The following FOXN3 variants were observed in gnomAD, a reference collection of about 807,000 sequenced individuals.
FOXN3 encodes the protein forkhead box N3.
Under a neutral mutation model 38.4 loss-of-function variants are expected in FOXN3, and 7 were observed. The observed-to-expected ratio is 0.18, with a 90% CI of 0.10 to 0.34. The LOEUF (loss-of-function observed/expected upper bound fraction) is 0.34. FOXN3 is among the 10% of genes least tolerant of loss of function. FOXN3 has a pLI of 1.00. For synonymous variants in FOXN3, 230 were observed against 242.2 expected, an observed-to-expected ratio of 0.95 and a Z score of 0.47; for missense variants, 456 against 613.4, an observed-to-expected ratio of 0.74 and a Z score of 2.71.
intron 3 of FOXN3, among the ~76,000 whole-genome samples, chr14:89,281,380 T>G (rs1886456589): frequency 2.6e-5 from 4 of 152,174 alleles, no homozygotes; most frequent in Admixed American, 2.6e-4. Context: ...CCTAATCATG[T>G]TTTCTGAGAC....
intron 4 of FOXN3, among the ~76,000 whole-genome samples, chr14:89,221,639 G>A (rs186370680): frequency 3.9e-5 from 6 of 152,272 alleles, no homozygotes; most frequent in African/African-American, 1.4e-4. Flanking sequence ...GCCTTTGTCA[G>A]ACTTTCGCCA....
rs142564181 is a variant in FOXN3, at chr14:89,463,704, A to G, written c.-14-51214T>C. On this transcript the variant is annotated intron_variant, in intron 1 of 6. Coordinates refer to the FOXN3 transcript ENST00000345097. Reference sequence around the variant, plus strand: ...GACATGACATCATTGCTTCAGGGCCATAAGTTACTAGGGCTCCCCCAAAAG... The same window carrying G: ...GACATGACATCATTGCTTCAGGGCCGTAAGTTACTAGGGCTCCCCCAAAAG... Among the ~76,000 whole-genome samples, 282 of 152,118 alleles carry G rather than the reference A, an allele frequency of 1.9e-3. 3 individuals are homozygous for G. The highest frequency in any genetic ancestry group is 6.4e-3 in the African/African-American group (266 of 41,492).
chr14:89,489,705 G>A (rs1893532410), intron 1 of FOXN3, among the ~76,000 whole-genome samples: 1 of 152,200 alleles, frequency 6.6e-6, no homozygotes, highest in Non-Finnish European at 1.5e-5. Context: ...GTAACTGGCA[G>A]AGAGATTAAT....
intron 4 of FOXN3, among the ~76,000 whole-genome samples, chr14:89,260,009 G>A (rs1279863311): frequency 6.6e-6 from 1 of 152,220 alleles, no homozygotes; most frequent in African/African-American, 2.4e-5. Flanking sequence ...GATCAGGTCA[G>A]TCTATGGGAT....
At chr14:89,347,356 C>T (rs568697439) in intron 3 of FOXN3, among the ~76,000 whole-genome samples, 1 of 152,248 alleles carries the variant, frequency 6.6e-6, no homozygotes, top group South Asian at 2.1e-4. Flanking sequence ...AGTGATGTTT[C>T]GACAGGCCAA....
chr14:89,464,951 C>T (rs547831555), intron 1 of FOXN3, among the ~76,000 whole-genome samples: 1 of 152,136 alleles, frequency 6.6e-6, no homozygotes, highest in African/African-American at 2.4e-5. Flanking sequence ...CCACCTTGGC[C>T]ACCCAAAGTG....
intron 1 of FOXN3, among the ~76,000 whole-genome samples, chr14:89,433,756 G>C (rs1036486093): frequency 6.7e-6 from 1 of 148,980 alleles, no homozygotes; most frequent in African/African-American, 2.5e-5. Context: ...AGGTTGCAGT[G>C]AGCTGAGATC....
At chr14:89,305,180 G>A in intron 3 of FOXN3, among the ~76,000 whole-genome samples, 1 of 152,174 alleles carries the variant, frequency 6.6e-6, no homozygotes. Flanking sequence ...TACCCACTGA[G>A]GGCCACTAGG....
intron 4 of FOXN3, among the ~76,000 whole-genome samples, chr14:89,235,902 T>C (rs985707446): frequency 7.2e-6 from 1 of 139,668 alleles, no homozygotes; most frequent in African/African-American, 3.4e-5. Context: ...AACTGTAAGA[T>C]TATAAATTTG....
At chr14:89,419,184 G>T (rs767245596), upstream of FOXN3, 19 of 455,934 alleles carry the variant, frequency 4.2e-5, no homozygotes, top group Non-Finnish European at 6.2e-5. Flanking sequence ...GTGAGAAGGT[G>T]TCACCCTGAA....
At chr14:89,312,085 G>A (rs1264887388) in intron 3 of FOXN3, among the ~76,000 whole-genome samples, 1 of 151,882 alleles carries the variant, frequency 6.6e-6, no homozygotes, top group African/African-American at 2.4e-5. Context: ...AGGAGTTTGA[G>A]ACCAGCCTGG....
intron 4 of FOXN3, among the ~76,000 whole-genome samples, chr14:89,182,651 C>A (rs1424251528): frequency 2.0e-5 from 3 of 152,200 alleles, no homozygotes; most frequent in African/African-American, 7.2e-5. Context: ...ATGTCTTACA[C>A]AGTTGATGAA....
intron 1 of FOXN3, among the ~76,000 whole-genome samples, chr14:89,438,359 A>G (rs914048262): frequency 1.4e-4 from 22 of 152,364 alleles, no homozygotes; most frequent in Non-Finnish European, 1.6e-4. Context: ...TATGAAAGAA[A>G]CTTAAGGTTT....
chr14:89,386,360 T>G (rs1311841128), intron 2 of FOXN3, among the ~76,000 whole-genome samples: 1 of 152,242 alleles, frequency 6.6e-6, no homozygotes, highest in Admixed American at 6.5e-5. Flanking sequence ...GACACACATG[T>G]GGTCTCCCAT....
At chr14:89,435,206 G>A (rs1892252355) in intron 1 of FOXN3, among the ~76,000 whole-genome samples, 1 of 151,984 alleles carries the variant, frequency 6.6e-6, no homozygotes, top group South Asian at 2.1e-4. Flanking sequence ...AACACTGCAA[G>A]ACCTCATCTC....
chr14:89,400,383 C>T (rs546679559), intron 2 of FOXN3, among the ~76,000 whole-genome samples: 11 of 152,220 alleles, frequency 7.2e-5, no homozygotes, highest in Middle Eastern at 3.4e-3. Flanking sequence ...TACCTCCACC[C>T]GAATGTCTCC....
intron 2 of FOXN3, among the ~76,000 whole-genome samples, chr14:89,411,155 G>A (rs1379880335): frequency 6.6e-6 from 1 of 152,192 alleles, no homozygotes; most frequent in Non-Finnish European, 1.5e-5. Context: ...ACGGATCTAG[G>A]TTGCGTGCTT....
chr14:89,344,477 C>A (rs1316519151), intron 3 of FOXN3, among the ~76,000 whole-genome samples: 1 of 152,146 alleles, frequency 6.6e-6, no homozygotes, highest in Non-Finnish European at 1.5e-5. Context: ...TGTTCTCCAA[C>A]CATGGTGAGA....
intron 2 of FOXN3, among the ~76,000 whole-genome samples, chr14:89,365,363 C>T (rs1191913684): frequency 2.6e-5 from 4 of 152,134 alleles, no homozygotes; most frequent in Admixed American, 1.3e-4. Context: ...ACGCTAACAA[C>T]GATCAATCAT....
Sources: gnomAD v4.1 joint callset for allele counts (sites outside exome capture counted in the v4.1 genomes callset) on GRCh38, gnomAD v4.1.1 for gene constraint, MANE v1.5 for transcripts, NCBI Gene and HGNC (gene_info 2026-07-23, HGNC 2026-07-21) for gene names.